LGSN: variants seen among roughly 807,000 people sequenced by gnomAD.
LGSN encodes lengsin, lens protein with glutamine synthetase domain, also known as lengsin.
Under a neutral mutation model 19.5 loss-of-function variants are expected in LGSN, and 21 were observed. That is an observed-to-expected ratio of 1.07 (90% CI 0.76 to 1.55). LGSN has a LOEUF of 1.55. Among genes scored for constraint, LGSN ranks in the 40% most tolerant of loss-of-function variants. The pLI, the probability that LGSN is intolerant of heterozygous loss-of-function variation, is 0.00. For missense variants in LGSN, 673 were observed against 608.5 expected (o/e 1.11, Z -1.12); for synonymous variants, 257 against 215.6 (o/e 1.19, Z -1.68).
the LGSN span, among the ~76,000 whole-genome samples, chr6:63,442,188 C>T: frequency 1.2e-4 from 18 of 152,124 alleles, 1 homozygote; most frequent in African/African-American, 4.8e-5. Context: ...TGCGTTTGTT[C>T]GTAGTCTCAC....
chr6:63,406,326 T>G, the LGSN span, among the ~76,000 whole-genome samples: 1 of 152,112 alleles, frequency 6.6e-6, no homozygotes, highest in East Asian at 1.9e-4. Context: ...TAACAAACTG[T>G]CTCTCAGACC....
At chr6:63,454,051 T>C in the LGSN span, among the ~76,000 whole-genome samples, 1 of 152,226 alleles carries the variant, frequency 6.6e-6, no homozygotes, top group Non-Finnish European at 1.5e-5. Context: ...CATTCAATAC[T>C]GCCCCTTGCT....
At chr6:63,434,621 A>AAAAAAAAAAAAAAAG in the LGSN span, among the ~76,000 whole-genome samples, 1 of 150,580 alleles carries the variant, frequency 6.6e-6, no homozygotes, top group Non-Finnish European at 1.5e-5. Flanking sequence ...AAAAAAAAAA[A>AAAAAAAAAAAAAAAG]AAAGAAAGAA....
At chr6:63,503,668 A>C in the LGSN span, among the ~76,000 whole-genome samples, 1 of 152,094 alleles carries the variant, frequency 6.6e-6, no homozygotes, top group African/African-American at 2.4e-5. Context: ...TAATCCCAGC[A>C]CTCTGGGAGG....
At chr6:63,384,455 A>G in the LGSN span, among the ~76,000 whole-genome samples, 1 of 151,300 alleles carries the variant, frequency 6.6e-6, no homozygotes, top group African/African-American at 2.4e-5. Context: ...AACTCCCAGT[A>G]CCTTAGAATA....
intron 1 of LGSN, among the ~76,000 whole-genome samples, chr6:63,296,463 T>C (rs1767979293): frequency 6.6e-6 from 1 of 151,342 alleles, no homozygotes; most frequent in South Asian, 2.1e-4. Flanking sequence ...AATTTTACTT[T>C]TGTTAAATGC....
chr6:63,289,816 C>T (rs775223791), intron 2 of LGSN, among the ~76,000 whole-genome samples: 11 of 152,032 alleles, frequency 7.2e-5, no homozygotes, highest in East Asian at 1.9e-4. Context: ...AGTGCACTTG[C>T]GAGAAAACTC....
At chr6:63,478,652 C>G in the LGSN span, among the ~76,000 whole-genome samples, 21 of 152,300 alleles carry the variant, frequency 1.4e-4, no homozygotes, top group South Asian at 1.7e-3. Context: ...ACGGCTCATT[C>G]TAATCATATA....
chr6:63,288,944 T>C (rs1188705729), intron 2 of LGSN, among the ~76,000 whole-genome samples: 1 of 152,252 alleles, frequency 6.6e-6, no homozygotes, highest in African/African-American at 2.4e-5. Context: ...GATTTCATTT[T>C]AACAATTTTG....
At chr6:63,492,706 C>T in the LGSN span, among the ~76,000 whole-genome samples, 5 of 152,198 alleles carry the variant, frequency 3.3e-5, no homozygotes, top group East Asian at 1.9e-4. Context: ...CACAGAACAG[C>T]ATGTACTCGA....
the LGSN span, among the ~76,000 whole-genome samples, chr6:63,493,860 T>C: frequency 5.9e-5 from 9 of 152,196 alleles, no homozygotes; most frequent in Non-Finnish European, 1.3e-4. Context: ...CCAAAATTGC[T>C]TTTCAAAAGT....
upstream of LGSN, among the ~76,000 whole-genome samples, chr6:63,322,751 G>A (rs1769114288): frequency 6.6e-6 from 1 of 152,096 alleles, no homozygotes; most frequent in Non-Finnish European, 1.5e-5. Context: ...TAAGAAAATG[G>A]TAGATCTGTT....
chr6:63,407,065 A>C, the LGSN span, among the ~76,000 whole-genome samples: 1 of 152,080 alleles, frequency 6.6e-6, no homozygotes, highest in Non-Finnish European at 1.5e-5. Context: ...AGAGTCCAGG[A>C]CCAGATGGAT....
the LGSN span, among the ~76,000 whole-genome samples, chr6:63,405,981 C>G: frequency 6.6e-6 from 1 of 152,174 alleles, no homozygotes; most frequent in Non-Finnish European, 1.5e-5. Context: ...AGCTAACTAT[C>G]CTAAATATAT....
the LGSN span, among the ~76,000 whole-genome samples, chr6:63,394,852 G>A: frequency 6.6e-6 from 1 of 152,340 alleles, no homozygotes; most frequent in Admixed American, 6.5e-5. Flanking sequence ...AGCTCAGGAA[G>A]ACTTGCAGGA....
In LGSN at chr6:63,280,243, C is replaced by T; in HGVS notation, c.1308G>A (p.Glu436=). Residue 436 remains glutamate, a synonymous_variant, in exon 4 of 4, where the codon GAG becomes GAA. Transcript: ENST00000370657. ...TGCTCTCATCTGGACCAGCCAAGACCTCATTACTGCTATGAAGTCCATCTA... is the reference window on the plus strand; with the variant it reads ...TGCTCTCATCTGGACCAGCCAAGACTTCATTACTGCTATGAAGTCCATCTA... ...AGLDGLHSSN[E]VLAGPDESTD... 1 of 1,614,216 alleles carries T rather than the reference C, an allele frequency of 6.2e-7. No individual in the cohort carries two copies. Among genetic ancestry groups the T allele is most frequent in the Non-Finnish European group, 8.5e-7 (1 of 1,180,046 alleles).
chr6:63,561,403 TACA>T, the LGSN span, among the ~76,000 whole-genome samples: 1 of 152,202 alleles, frequency 6.6e-6, no homozygotes, highest in African/African-American at 2.4e-5. Context: ...GGTATATTTC[TACA>T]ACAACCAGCA....
the LGSN span, among the ~76,000 whole-genome samples, chr6:63,382,148 G>A: frequency 9.2e-5 from 14 of 152,126 alleles, no homozygotes; most frequent in Non-Finnish European, 1.9e-4. Context: ...TCTACAAAAT[G>A]TATTATATTT....
At chr6:63,465,008 A>G in the LGSN span, among the ~76,000 whole-genome samples, 3 of 147,774 alleles carry the variant, frequency 2.0e-5, no homozygotes, top group Admixed American at 6.9e-5. Context: ...CCTGGGTGAC[A>G]AGAGCGAGAT....
Sources: allele counts gnomAD v4.1 joint callset (sites outside exome capture counted in the v4.1 genomes callset), GRCh38; gene constraint gnomAD v4.1.1; transcripts MANE v1.5; gene names NCBI Gene and HGNC (gene_info 2026-07-23, HGNC 2026-07-21).